MAP1S: variants seen among roughly 807,000 people sequenced by gnomAD.
The protein encoded by MAP1S is microtubule-associated protein 1S.
Under a neutral mutation model 60.9 loss-of-function variants are expected in MAP1S, and 27 were observed. That is an observed-to-expected ratio of 0.44 (90% CI 0.33 to 0.61). The LOEUF (loss-of-function observed/expected upper bound fraction) is 0.61. Among genes scored for constraint, MAP1S ranks in the 20% least tolerant of loss-of-function variants. The probability of loss-of-function intolerance (pLI) is 0.03; values close to 1 mark genes in which losing one functional copy is unlikely to be tolerated. For missense variants in MAP1S, 1,608 were observed against 1,486.6 expected (o/e 1.08, Z -1.34); for synonymous variants, 826 against 694.2 (o/e 1.19, Z -2.98).
rs1599459374 is a variant in MAP1S, at chr19:17,726,644, C to T, written c.1260C>T (p.Pro420=). Residue 420 remains proline, a synonymous_variant, in exon 5 of 7, where the codon CCC becomes CCT. Transcript: ENST00000324096. ...ASVCALLVWH[P]AGPGEKVVRV... ...TGTGCGCCCTGCTGGTGTGGCACCCCGCCGGCCCCGGCGAGAAGGTGGTGC... is the reference window on the plus strand; with the variant it reads ...TGTGCGCCCTGCTGGTGTGGCACCCTGCCGGCCCCGGCGAGAAGGTGGTGC... The T allele has an allele frequency of 5.1e-6, 8 of 1,574,482 alleles. No homozygotes were observed. In the African/African-American group the frequency reaches 5.4e-5, roughly 11 times the overall value.
intron 5 of MAP1S, 36 bp from the exon 6 acceptor site, chr19:17,733,157 G>C (rs1233136789): frequency 2.1e-6 from 3 of 1,402,560 alleles, no homozygotes; most frequent in East Asian, 2.5e-5. Flanking sequence ...CCAGCCCCAG[G>C]AGCTCATCCC....
At chr19:17,729,659 T>C (rs550439932) in intron 5 of MAP1S, among the ~76,000 whole-genome samples, 34 of 151,804 alleles carry the variant, frequency 2.2e-4, no homozygotes, top group African/African-American at 6.0e-4. Flanking sequence ...ACACGCACCA[T>C]AACGGCCAGC....
rs1439181025 is a variant in MAP1S, at chr19:17,727,238, C to A, written c.1854C>A (p.Ala618=). ...GCCTGGAGCTGGGGCCGATCCCAGC[C>A]GGGGAGGAGAAGGCACTGGAGCTGC... is the stretch of plus-strand genomic sequence containing the variant. The part of the protein sequence containing the change: ...TPSLELGPIP[A]GEEKALELPL... The change falls in exon 5 of 7, where the codon GCC becomes GCA. Residue 618 remains alanine (A), a synonymous_variant. Coordinates refer to ENST00000324096, the MANE Select transcript of MAP1S (RefSeq NM_018174.6). This position sits in a 1 kb window ranked among gnomAD's most constrained non-coding sequence, Gnocchi z 4.1. The A allele has an allele frequency of 1.9e-6, 3 of 1,567,322 alleles. No individual in the cohort carries two copies. The highest frequency in any genetic ancestry group is 2.6e-6 in the Non-Finnish European group (3 of 1,161,524).
intron 1 of MAP1S, 56 bp downstream of exon 1, chr19:17,719,676 T>A: frequency 1.0e-6 from 1 of 988,130 alleles, no homozygotes; most frequent in Non-Finnish European, 1.3e-6. Flanking sequence ...TTCGCGCGTC[T>A]GGGCCCGGGG....
rs199536929 is a variant in MAP1S, at chr19:17,734,358, C to A, written c.3110C>A (p.Thr1037Lys). Residue 1037 changes from threonine to lysine, a missense_variant, in exon 7 of 7, where the codon ACG becomes AAG. Physicochemically the swap from Thr to Lys is moderately conservative, Grantham distance 78 (BLOSUM62 -1). This residue lies in a region of MAP1S where 76 missense variants were observed against 110.1 expected (regional missense o/e 0.69). Transcript: ENST00000324096. Reference sequence around the variant, plus strand: ...GCCCGGCACCAGGCGCTGGGCATCACGGTGTTGGGCAGCAACAGCATGGTG... The same window carrying A: ...GCCCGGCACCAGGCGCTGGGCATCAAGGTGTTGGGCAGCAACAGCATGGTG... ...THARHQALGI[T>K]VLGSNSMVSM... The A allele has an allele frequency of 6.2e-7, 1 of 1,613,702 alleles. No homozygotes were observed. The highest frequency in any genetic ancestry group is 8.5e-7 in the Non-Finnish European group (1 of 1,180,000).
At chr19:17,731,435 C>T (rs920702027) in intron 5 of MAP1S, among the ~76,000 whole-genome samples, 5 of 152,212 alleles carry the variant, frequency 3.3e-5, no homozygotes, top group East Asian at 1.9e-4. Flanking sequence ...GATTTATTTC[C>T]GGGCCTCTAT....
At position 17,721,036 on chromosome 19, in the gene MAP1S, A is replaced by G. The variant is rs1334871592; in HGVS notation, c.219A>G (p.Lys73=). 2 of 1,613,674 alleles carry G rather than the reference A, an allele frequency of 1.2e-6. No individual in the cohort carries two copies. The highest frequency in any genetic ancestry group is 1.1e-5 in the South Asian group (1 of 91,064). ...RHSATFSSIV[K]GQRSLHHRGD... is the part of the protein sequence containing the mutation. ...CTGCCACCTTCTCCAGCATTGTGAAAGGTGAGGCTGGGGTCCCCCTGACTG... is the reference window on the plus strand; with the variant it reads ...CTGCCACCTTCTCCAGCATTGTGAAGGGTGAGGCTGGGGTCCCCCTGACTG... Residue 73 remains lysine, a splice_region_variant and synonymous_variant, in exon 2 of 7, where the codon AAA becomes AAG. Coordinates refer to ENST00000324096, the MANE Select transcript of MAP1S (RefSeq NM_018174.6).
rs149895200 is a variant in MAP1S, at chr19:17,733,378, G to A, written c.2974G>A (p.Val992Ile). 899 of 1,611,220 alleles carry A rather than the reference G, an allele frequency of 5.6e-4. 2 individuals are homozygous for A. Among genetic ancestry groups the A allele is most frequent in the Non-Finnish European group, 7.4e-4 (878 of 1,179,250 alleles). The change falls in exon 6 of 7, where the codon GTC (valine) becomes ATC (isoleucine). Residue 992 changes from valine to isoleucine, a missense_variant. By Grantham distance (29) the Val-to-Ile change is conservative (BLOSUM62 3). Coordinates refer to ENST00000324096, the MANE Select transcript of MAP1S (RefSeq NM_018174.6). ...DQRKEEGMRA[V>I]LDALLASKQH... The stretch of plus-strand genomic sequence containing the variant: ...GCGCAAGGAGGAAGGCATGCGGGCC[G>A]TCCTGGACGCGCTACTGGCCAGCAA...
rs199739419 is a variant in MAP1S at position 17,726,976 on chromosome 19, C to T, written c.1592C>T (p.Pro531Leu). Residue 531 changes from proline (P) to leucine (L), a missense_variant, in exon 5 of 7, where the codon CCG becomes CTG. Physicochemically the swap from Pro to Leu is moderately conservative, Grantham distance 98. This residue lies in a region of MAP1S where 1,167 missense variants were observed against 961.4 expected (regional missense o/e 1.21). Coordinates refer to ENST00000324096, the MANE Select transcript of MAP1S (RefSeq NM_018174.6). ...TPRELKKDPKPSVSRTQPREV... is the reference protein window; with the variant it reads ...TPRELKKDPKLSVSRTQPREV... ...CGGGAGTTGAAGAAAGACCCCAAAC[C>T]GAGTGTCTCCCGGACCCAGCCGCGG... The T allele has an allele frequency of 1.4e-4, 225 of 1,575,830 alleles. No individual in the cohort carries two copies. Among genetic ancestry groups the T allele is most frequent in the Non-Finnish European group, 1.7e-4 (199 of 1,161,450 alleles).
At position 17,733,392 on chromosome 19, in the gene MAP1S, A is replaced by G. The variant is rs368932629; in HGVS notation, c.2988A>G (p.Leu996=). The G allele has an allele frequency of 5.6e-6, 9 of 1,609,492 alleles. No homozygotes were observed. In the Admixed American group the frequency reaches 1.3e-4, roughly 24 times the overall value. ...EEGMRAVLDA[L]LASKQHWDRD... is the part of the protein sequence containing the mutation. ...GCATGCGGGCCGTCCTGGACGCGCT[A>G]CTGGCCAGCAAGCAGCATTGGGACC... The change falls in exon 6 of 7, where the codon CTA becomes CTG. Residue 996 remains leucine, a synonymous_variant. Transcript: ENST00000324096.
In MAP1S at chr19:17,725,686, C is replaced by T. The variant is rs533763850; in HGVS notation, c.445-143C>T. ...GAGGCCAGATCAAAGAGCCTTGTGG[C>T]GCTGGAGAGGGTTGGGTTTTGGCGG... On this transcript the variant is annotated intron_variant, in intron 4 of 6. Transcript: ENST00000324096. This position sits in a 1 kb window ranked among gnomAD's most constrained non-coding sequence, Gnocchi z 4.2. 40 of 749,976 alleles carry T rather than the reference C, an allele frequency of 5.3e-5. No individual in the cohort carries two copies. Among genetic ancestry groups the T allele is most frequent in the East Asian group, 3.2e-4 (12 of 37,614 alleles). 46.5% of individuals were successfully genotyped at this position (749,976 alleles called of 1,614,324 possible).
rs776803611 is a variant in MAP1S at position 17,727,766 on chromosome 19, G to C, written c.2382G>C (p.Leu794=). ...CGGTCAGCGAGTCCCTGCCCACCCTGTCTGACTCGGATCCCGTGCCCCTGG... is the reference window on the plus strand; with the variant it reads ...CGGTCAGCGAGTCCCTGCCCACCCTCTCTGACTCGGATCCCGTGCCCCTGG... ...PTSVSESLPT[L]SDSDPVPLAP... is the part of the protein sequence containing the mutation. Residue 794 remains leucine, a synonymous_variant, in exon 5 of 7, where the codon CTG becomes CTC. Coordinates refer to ENST00000324096, the MANE Select transcript of MAP1S (RefSeq NM_018174.6). The surrounding 1 kb of genome is among the most constrained non-coding windows in gnomAD (Gnocchi z 4.1). The C allele has an allele frequency of 1.2e-6, 2 of 1,610,218 alleles. No individual in the cohort carries two copies. Among genetic ancestry groups the C allele is most frequent in the South Asian group, 1.1e-5 (1 of 90,668 alleles).
chr19:17,733,159 G>A, intron 5 of MAP1S, 34 bp from the exon 6 acceptor site: 2 of 1,408,958 alleles, frequency 1.4e-6, no homozygotes, highest in South Asian at 2.7e-5. Context: ...AGCCCCAGGA[G>A]CTCATCCCTG....
rs915613003 is a variant in MAP1S at position 17,725,663 on chromosome 19, G to A, written c.445-166G>A. On this transcript the variant is annotated intron_variant, in intron 4 of 6. Transcript: ENST00000324096. The surrounding 1 kb of genome is among the most constrained non-coding windows in gnomAD (Gnocchi z 4.2). Reference sequence around the variant, plus strand: ...AAGGGGAGGGAGAGACAGGAGGTGAGGCCAGATCAAAGAGCCTTGTGGCGC... The same window carrying A: ...AAGGGGAGGGAGAGACAGGAGGTGAAGCCAGATCAAAGAGCCTTGTGGCGC... Among the ~76,000 whole-genome samples, 2 of 152,116 alleles carry A rather than the reference G, an allele frequency of 1.3e-5. No homozygotes were observed. Among genetic ancestry groups the A allele is most frequent in the Admixed American group, 1.3e-4 (2 of 15,278 alleles).
At chr19:17,723,078 C>T (rs984625721) in intron 2 of MAP1S, among the ~76,000 whole-genome samples, 2 of 151,980 alleles carry the variant, frequency 1.3e-5, no homozygotes, top group African/African-American at 4.8e-5. Context: ...AAAACACATA[C>T]GGGCCCTGGG....
chr19:17,730,947 GGAGCACTAT>G (rs1568296134), intron 5 of MAP1S, among the ~76,000 whole-genome samples: 1 of 149,424 alleles, frequency 6.7e-6, no homozygotes, highest in Admixed American at 6.7e-5. Context: ...CTGCAGCATG[GGAGCACTAT>G]CTTGGCTCAC....
chr19:17,720,802 A>G (rs1599451192), intron 1 of MAP1S, 134 bp from the exon 2 acceptor site: 1 of 741,826 alleles, frequency 1.3e-6, no homozygotes. Flanking sequence ...GGTGTTGGGT[A>G]CTTCTGAGTC....
chr19:17,734,445 C>T lies in MAP1S; in HGVS notation c.*17C>T. On this transcript the variant is annotated 3_prime_UTR_variant, in exon 7 of 7. Transcript: ENST00000324096. The stretch of plus-strand genomic sequence containing the variant: ...GAGTTCTAGCCCCATCGCCGACACG[C>T]CCCCCACTCAGCCCAGCCCGCCTGT... The T allele has an allele frequency of 1.3e-6, 2 of 1,597,088 alleles. No individual in the cohort carries two copies. The highest frequency in any genetic ancestry group is 1.7e-6 in the Non-Finnish European group (2 of 1,170,486).
Position 17,733,182 on chromosome 19 carries a change from C to A in MAP1S, c.2789-11C>A. ...GAGCTCATCCCTGCCTCCCCATCCC[C>A]CCGCCCGCAGGGTCAGCCAGCAGCC... On this transcript the variant is annotated splice_polypyrimidine_tract_variant and intron_variant, in intron 5 of 6. Transcript: ENST00000324096. The A allele has an allele frequency of 1.3e-6, 2 of 1,520,598 alleles. No homozygotes were observed. The highest frequency in any genetic ancestry group is 1.8e-6 in the Non-Finnish European group (2 of 1,128,960). The allele number at this position is 1,520,598 out of a possible 1,614,324, so 94.2% of individuals were successfully genotyped here.
Sources: gnomAD v4.1 joint callset for allele counts (sites outside exome capture counted in the v4.1 genomes callset) on GRCh38, gnomAD v4.1.1 for gene constraint, gnomAD v4.1.1 regional missense constraint, Gnocchi (gnomAD v3.1) non-coding constraint, MANE v1.5 for transcripts, NCBI Gene and HGNC (gene_info 2026-07-23, HGNC 2026-07-21) for gene names.